DENND2B: variants seen among roughly 807,000 people sequenced by gnomAD.
The protein encoded by DENND2B is DENN domain-containing protein 2B.
DENND2B carries 32 observed loss-of-function variants against 116.0 expected under a neutral mutation model. The observed-to-expected ratio is 0.28, with a 90% CI of 0.21 to 0.37. DENND2B has a LOEUF of 0.37. Ranked by LOEUF, DENND2B falls within the 10% of genes least tolerant of loss-of-function variation. The pLI, the probability that DENND2B is intolerant of heterozygous loss-of-function variation, is 1.00. For missense variants in DENND2B, 1,276 were observed against 1,477.7 expected (o/e 0.86, Z 2.24); for synonymous variants, 588 against 583.9 (o/e 1.01, Z -0.10).
At chr11:8,771,499 A>C (rs1207172368) in intron 1 of DENND2B, among the ~76,000 whole-genome samples, 1 of 140,760 alleles carries the variant, frequency 7.1e-6, no homozygotes, top group African/African-American at 2.7e-5. Flanking sequence ...TCTACATATA[A>C]TAAGGAATAT....
intron 11 of DENND2B, chr11:8,708,193 C>T: frequency 5.6e-6 from 7 of 1,258,502 alleles, no homozygotes; most frequent in Non-Finnish European, 3.0e-6. Flanking sequence ...ATTCATAGCC[C>T]TGAGGCTGGG....
In DENND2B at chr11:8,707,861, CAGGACA is replaced by C. The variant is rs1286022788; in HGVS notation, c.2353-13_2353-8del. ...GGGGCCCTTTCCCACTTGGCTGGGCCAGGACAAGGAGGAGGAGGAGAGAGACAGACA... is the reference window on the plus strand; with the variant it reads ...GGGGCCCTTTCCCACTTGGCTGGGCCAGGAGGAGGAGGAGAGAGACAGACA... On this transcript the variant is annotated splice_region_variant and splice_polypyrimidine_tract_variant and intron_variant, in intron 11 of 19. Transcript: ENST00000313726. This position sits in a 1 kb window ranked among gnomAD's most constrained non-coding sequence, Gnocchi z 4.8. 1 of 1,606,624 alleles carries C rather than the reference CAGGACA, an allele frequency of 6.2e-7. No individual in the cohort carries two copies. The highest frequency in any genetic ancestry group is 1.7e-5 in the Admixed American group (1 of 58,698).
chr11:8,736,728 G>C (rs2049114545), intron 2 of DENND2B, among the ~76,000 whole-genome samples: 1 of 152,242 alleles, frequency 6.6e-6, no homozygotes, highest in Non-Finnish European at 1.5e-5. Flanking sequence ...GGGGCAACAA[G>C]GAGGCCAGTG....
In DENND2B at chr11:8,731,231, GGAAAA is replaced by G. The variant is rs750604779; in HGVS notation, c.81-27_81-23del. On this transcript the variant is annotated intron_variant, in intron 2 of 19. Transcript: ENST00000313726. ...AGACCTGGGGGCAAAACAAAACAAA[GGAAAA>G]GAAAAGAAAATGGCAGTGAGTGGCT... 59 of 1,461,926 alleles carry G rather than the reference GGAAAA, an allele frequency of 4.0e-5. 1 individual carries two copies. In the African/African-American group the frequency reaches 6.2e-4, roughly 15 times the overall value. The allele number at this position is 1,461,926 out of a possible 1,614,324, so 90.6% of individuals were successfully genotyped here.
At chr11:8,906,307 G>A (rs955077743) in intron 1 of DENND2B, among the ~76,000 whole-genome samples, 7 of 144,404 alleles carry the variant, frequency 4.8e-5, no homozygotes, top group Non-Finnish European at 7.5e-5. Context: ...TCAGGTTCAC[G>A]CCGTTCTCCT....
intron 1 of DENND2B, among the ~76,000 whole-genome samples, chr11:8,798,453 C>G (rs1165291827): frequency 6.6e-6 from 1 of 152,160 alleles, no homozygotes; most frequent in Non-Finnish European, 1.5e-5. Context: ...AAAATAAAAG[C>G]CATCCCAACC....
At chr11:8,695,296 A>G (rs987770858) in intron 19 of DENND2B, among the ~76,000 whole-genome samples, 167 bp downstream of exon 19, 1 of 152,124 alleles carries the variant, frequency 6.6e-6, no homozygotes, top group Middle Eastern at 3.2e-3. Flanking sequence ...ATGCCCTTGG[A>G]ATTCTGGCTG....
At chr11:8,859,965 T>C (rs537691466) in intron 2 of DENND2B, among the ~76,000 whole-genome samples, 7 of 152,270 alleles carry the variant, frequency 4.6e-5, no homozygotes, top group South Asian at 2.1e-4. Context: ...GTCCCCAGAA[T>C]TCCCCATGGC....
Position 8,730,014 on chromosome 11 carries a change from G to A in DENND2B, c.1276C>T (p.Pro426Ser). 6.2e-7 allele frequency: 1 copy of A among 1,614,218 alleles called. No homozygotes were observed. The highest frequency in any genetic ancestry group is 8.5e-7 in the Non-Finnish European group (1 of 1,180,038). The change falls in exon 3 of 20, where the codon CCA (proline) becomes TCA (serine). Residue 426 changes from proline (P) to serine (S), a missense_variant. Around this residue, in one of 2 missense-constraint regions of DENND2B, gnomAD observed 856 missense variants for 846.6 expected, o/e 1.01. Coordinates refer to ENST00000313726, the MANE Select transcript of DENND2B (RefSeq NM_213618.2). The surrounding 1 kb of genome is among the most constrained non-coding windows in gnomAD (Gnocchi z 4.1). Reference sequence around the variant, plus strand: ...GGTCTCCGGGTGACTGGCGGGGCTGGGGTGGAGGGCAAGGGAGGTGGAGCA... The same window carrying A: ...GGTCTCCGGGTGACTGGCGGGGCTGAGGTGGAGGGCAAGGGAGGTGGAGCA... The part of the protein sequence containing the change: ...PAAPPPLPST[P>S]APPVTRRPKK...
chr11:8,803,786 T>C (rs148241841), intron 1 of DENND2B, among the ~76,000 whole-genome samples: 1 of 152,180 alleles, frequency 6.6e-6, no homozygotes, highest in Non-Finnish European at 1.5e-5. Context: ...GGTCCACAGA[T>C]AGAGGAAAAA....
At chr11:8,894,462 A>C (rs1333138223) in intron 1 of DENND2B, among the ~76,000 whole-genome samples, 1 of 152,092 alleles carries the variant, frequency 6.6e-6, no homozygotes, top group African/African-American at 2.4e-5. Flanking sequence ...TGAACAGGCA[A>C]CCTACAAAAT....
intron 1 of DENND2B, among the ~76,000 whole-genome samples, chr11:8,896,583 G>GT (rs2064104623): frequency 6.6e-6 from 1 of 152,140 alleles, no homozygotes; most frequent in East Asian, 1.9e-4. Context: ...TTTGACTTCG[G>GT]TTTTTTCAAC....
intron 4 of DENND2B, among the ~76,000 whole-genome samples, chr11:8,836,522 A>C (rs1308819065): frequency 6.7e-6 from 1 of 149,280 alleles, no homozygotes; most frequent in Non-Finnish European, 1.5e-5. Flanking sequence ...GCCAGGTTCA[A>C]ACGATTCTCC....
At position 8,707,421 on chromosome 11, in the gene DENND2B, C is replaced by A. The variant is rs2042794513; in HGVS notation, c.2431-196G>T. On this transcript the variant is annotated intron_variant, in intron 12 of 19. Coordinates refer to ENST00000313726, the MANE Select transcript of DENND2B (RefSeq NM_213618.2). This position sits in a 1 kb window ranked among gnomAD's most constrained non-coding sequence, Gnocchi z 4.8. ...ACTCAGTGACTCCTCTGTTCCCTAA[C>A]TGGCCTTGCTTCAGTCCCCAAGAGC... is the stretch of plus-strand genomic sequence containing the variant. Among the ~76,000 whole-genome samples, 1 of 152,256 alleles carries A rather than the reference C, an allele frequency of 6.6e-6. No individual in the cohort carries two copies. Among genetic ancestry groups the A allele is most frequent in the Non-Finnish European group, 1.5e-5 (1 of 68,052 alleles).
At chr11:8,697,687 A>C (rs1183007447) in intron 16 of DENND2B, 51 bp from the exon 17 acceptor site, 8 of 1,240,448 alleles carry the variant, frequency 6.4e-6, no homozygotes, top group Non-Finnish European at 8.3e-6. Flanking sequence ...CTGAGCACTT[A>C]CTATGTGCTA....
intron 2 of DENND2B, among the ~76,000 whole-genome samples, chr11:8,858,781 T>C (rs1243852158): frequency 6.6e-6 from 1 of 152,202 alleles, no homozygotes; most frequent in Non-Finnish European, 1.5e-5. Context: ...AACTAGGTCA[T>C]TTCCTGGCTC....
intron 2 of DENND2B, among the ~76,000 whole-genome samples, chr11:8,732,883 G>A (rs1351978025): frequency 6.6e-6 from 1 of 152,236 alleles, no homozygotes; most frequent in Admixed American, 6.5e-5. Flanking sequence ...GCTATCCACA[G>A]GAAGGCAGCC....
intron 3 of DENND2B, among the ~76,000 whole-genome samples, chr11:8,844,032 T>C (rs1451006063): frequency 6.6e-6 from 1 of 152,246 alleles, no homozygotes; most frequent in Non-Finnish European, 1.5e-5. Context: ...TCCTTACATT[T>C]AATATTTAAA....
chr11:8,829,210 T>C (rs1268364762), intron 4 of DENND2B, among the ~76,000 whole-genome samples: 1 of 149,944 alleles, frequency 6.7e-6, no homozygotes, highest in African/African-American at 2.4e-5. Context: ...TGTGTGTGCA[T>C]GTGCATGTGC....
Sources: gnomAD v4.1 joint callset for allele counts (sites outside exome capture counted in the v4.1 genomes callset) on GRCh38, gnomAD v4.1.1 for gene constraint, gnomAD v4.1.1 regional missense constraint, Gnocchi (gnomAD v3.1) non-coding constraint, MANE v1.5 for transcripts, NCBI Gene and HGNC (gene_info 2026-07-23, HGNC 2026-07-21) for gene names.